The following DENND1A variants were observed in gnomAD, a reference collection of about 807,000 sequenced individuals.
The protein encoded by DENND1A is DENN domain-containing protein 1A.
Under a neutral mutation model 113.7 loss-of-function variants are expected in DENND1A, and 51 were observed. The observed-to-expected ratio is 0.45, with a 90% confidence interval of 0.36 to 0.57. The LOEUF is 0.57. Ranked by LOEUF, DENND1A falls within the 20% of genes least tolerant of loss-of-function variation. DENND1A has a pLI of 0.00. For synonymous variants in DENND1A, 565 were observed against 570.8 expected (o/e 0.99, Z 0.14); for missense variants, 1,258 against 1,395.9 (o/e 0.90, Z 1.57).
intron 2 of DENND1A, among the ~76,000 whole-genome samples, chr9:123,807,615 G>A (rs1290790676): frequency 6.6e-6 from 1 of 152,228 alleles, no homozygotes; most frequent in African/African-American, 2.4e-5. Flanking sequence ...ACAGTGCACA[G>A]CACAGAGTAG....
intron 13 of DENND1A, among the ~76,000 whole-genome samples, chr9:123,503,061 G>A (rs1341057657): frequency 6.6e-6 from 1 of 152,150 alleles, no homozygotes; most frequent in East Asian, 1.9e-4. Flanking sequence ...GCTTTTTGGG[G>A]AGAGTACATT....
At chr9:123,562,602 C>T (rs2057821551) in intron 12 of DENND1A, among the ~76,000 whole-genome samples, 1 of 152,168 alleles carries the variant, frequency 6.6e-6, no homozygotes, top group Non-Finnish European at 1.5e-5. Context: ...CATTACCAAA[C>T]TTTAACCATG....
intron 19 of DENND1A, among the ~76,000 whole-genome samples, chr9:123,426,967 G>A (rs1300725900): frequency 6.6e-6 from 1 of 152,182 alleles, no homozygotes; most frequent in Non-Finnish European, 1.5e-5. Context: ...CAAGCTCTCT[G>A]CCTAGTCCTT....
intron 5 of DENND1A, among the ~76,000 whole-genome samples, chr9:123,681,369 G>A (rs2064443292): frequency 2.0e-5 from 3 of 152,022 alleles, no homozygotes; most frequent in Admixed American, 2.0e-4. Flanking sequence ...ATGTGGTTGA[G>A]AATGCTGTCC....
chr9:123,668,199 T>C (rs1217982688), intron 7 of DENND1A, among the ~76,000 whole-genome samples: 2 of 152,094 alleles, frequency 1.3e-5, no homozygotes, highest in African/African-American at 4.8e-5. Flanking sequence ...AGCGTAGCCA[T>C]GGCCTAAGTT....
At chr9:123,802,114 T>G (rs1834773099) in intron 2 of DENND1A, among the ~76,000 whole-genome samples, 1 of 152,178 alleles carries the variant, frequency 6.6e-6, no homozygotes, top group African/African-American at 2.4e-5. Context: ...CAAAACTAAC[T>G]TGCTTTTGGC....
intron 2 of DENND1A, among the ~76,000 whole-genome samples, chr9:123,869,269 C>T (rs1244237771): frequency 6.6e-6 from 1 of 152,196 alleles, no homozygotes; most frequent in African/African-American, 2.4e-5. Context: ...CTTCTAGCTA[C>T]CAAAGCATAC....
chr9:123,419,618 C>T (rs1209354338), intron 19 of DENND1A, among the ~76,000 whole-genome samples: 1 of 152,242 alleles, frequency 6.6e-6, no homozygotes, highest in Non-Finnish European at 1.5e-5. Context: ...TGTAGTTTTA[C>T]AAAGGGCCTC....
In DENND1A at chr9:123,383,801, G is replaced by A. The variant is rs199648302; in HGVS notation, c.1873C>T (p.Arg625Trp). 2.5e-5 allele frequency: 40 copies of A among 1,614,070 alleles called. No homozygotes were observed. The East Asian group carries it at 3.3e-4, about 13-fold the overall frequency. The change falls in exon 23 of 24, where the codon CGG becomes TGG. Residue 625 changes from arginine (R) to tryptophan (W), a missense_variant. Physicochemically the swap from Arg to Trp is moderately radical, Grantham distance 101. Around this residue, in one of 2 missense-constraint regions of DENND1A, gnomAD observed 1,159 missense variants for 1,231.7 expected, o/e 0.94. Coordinates refer to ENST00000394215, the MANE Select transcript of DENND1A (RefSeq NM_001352964.2). ...TCCAGAAGGTCGATGCTGGCAGCCCGGTCAGGGGGAGCTGGGACAGGGCCT... is the reference window on the plus strand; with the variant it reads ...TCCAGAAGGTCGATGCTGGCAGCCCAGTCAGGGGGAGCTGGGACAGGGCCT... The part of the protein sequence containing the change: ...STGPVPAPPD[R>W]AASIDLLEDV...
chr9:123,664,600 T>C (rs1226110160), intron 8 of DENND1A, among the ~76,000 whole-genome samples: 5 of 152,116 alleles, frequency 3.3e-5, no homozygotes, highest in Admixed American at 3.3e-4. Context: ...CCCCAGAGTG[T>C]GGTTTTGGCC....
chr9:123,715,218 G>A (rs2066897044), intron 5 of DENND1A, among the ~76,000 whole-genome samples: 1 of 151,998 alleles, frequency 6.6e-6, no homozygotes, highest in South Asian at 2.1e-4. Context: ...TAAATGTTTT[G>A]TTTACAACTT....
At chr9:123,762,085 G>C (rs947820521) in intron 4 of DENND1A, among the ~76,000 whole-genome samples, 6 of 152,018 alleles carry the variant, frequency 3.9e-5, no homozygotes, top group Non-Finnish European at 8.8e-5. Flanking sequence ...GCCAACTTCT[G>C]GTTCAAAGTC....
rs151104983 is a variant in DENND1A, at chr9:123,921,323, T to C, written c.17+8566A>G. Among the ~76,000 whole-genome samples, 343 of 152,278 alleles carry C rather than the reference T, an allele frequency of 2.3e-3. 2 individuals carry two copies. The highest frequency in any genetic ancestry group is 7.9e-3 in the African/African-American group (327 of 41,556). On this transcript the variant is annotated intron_variant, in intron 1 of 23. Transcript: ENST00000394215. The stretch of plus-strand genomic sequence containing the variant: ...ATTAGCTTCCTTCCATAAATATTAT[T>C]TTTTTAACCTGAAGCTCAGAAATTT...
At chr9:123,640,544 C>G (rs2061974116) in intron 9 of DENND1A, among the ~76,000 whole-genome samples, 1 of 152,210 alleles carries the variant, frequency 6.6e-6, no homozygotes, top group South Asian at 2.1e-4. Flanking sequence ...GGATTCACTC[C>G]CTATCTGCTA....
chr9:123,596,287 C>T (rs141666965), intron 11 of DENND1A, among the ~76,000 whole-genome samples: 7 of 152,320 alleles, frequency 4.6e-5, no homozygotes, highest in African/African-American at 1.4e-4. Flanking sequence ...GTTTCCTGTG[C>T]GCTATCACTT....
At chr9:123,532,474 C>T (rs529826849) in intron 13 of DENND1A, among the ~76,000 whole-genome samples, 1 of 152,306 alleles carries the variant, frequency 6.6e-6, no homozygotes, top group East Asian at 1.9e-4. Context: ...TTGAAGAGTA[C>T]AGGCCAGCTA....
chr9:123,465,946 A>C (rs1405622613), intron 13 of DENND1A, among the ~76,000 whole-genome samples: 1 of 152,188 alleles, frequency 6.6e-6, no homozygotes, highest in East Asian at 1.9e-4. Context: ...TTTTGTTCTC[A>C]TCAGACAGTG....
intron 11 of DENND1A, among the ~76,000 whole-genome samples, chr9:123,588,283 C>CAA (rs10640791): frequency 0.025 from 1,722 of 67,814 alleles, 50 homozygotes; most frequent in Non-Finnish European, 0.035. Flanking sequence ...AACTCTGTCT[C>CAA]AAAAAAAAAA....
intron 5 of DENND1A, among the ~76,000 whole-genome samples, chr9:123,712,370 G>A (rs1309142518): frequency 6.6e-6 from 1 of 152,182 alleles, no homozygotes. Context: ...TTGGAAGTCT[G>A]GGCTCTGGAA....
Sources: gnomAD v4.1 joint callset for allele counts (sites outside exome capture counted in the v4.1 genomes callset) on GRCh38, gnomAD v4.1.1 for gene constraint, gnomAD v4.1.1 regional missense constraint, MANE v1.5 for transcripts, NCBI Gene and HGNC (gene_info 2026-07-23, HGNC 2026-07-21) for gene names.